Variants in MTHFD2L observed in about 807,000 individuals in gnomAD.
MTHFD2L encodes the protein bifunctional methylenetetrahydrofolate dehydrogenase/cyclohydrolase 2, mitochondrial.
A neutral mutation model predicts 34.9 loss-of-function variants in MTHFD2L; 29 were observed. The observed-to-expected ratio is 0.83, with a 90% CI of 0.62 to 1.13. MTHFD2L has a LOEUF of 1.13. Ranked by LOEUF, MTHFD2L falls within the 50% of genes most tolerant of loss-of-function variation. The pLI is 0.00. For synonymous variants in MTHFD2L, 167 were observed against 155.7 expected (o/e 1.07, Z -0.54); for missense variants, 481 against 446.5 (o/e 1.08, Z -0.70).
At chr4:74,228,306 C>A (rs1419030541) in intron 6 of MTHFD2L, among the ~76,000 whole-genome samples, 2 of 152,158 alleles carry the variant, frequency 1.3e-5, no homozygotes, top group Non-Finnish European at 2.9e-5. Context: ...TGTTCACACA[C>A]AAGACACAGA....
At position 74,238,172 on chromosome 4, in the gene MTHFD2L, C is replaced by T. The variant is rs929644191; in HGVS notation, c.805+12778C>T. 2.6e-5 allele frequency among the ~76,000 whole-genome samples: 4 copies of T among 152,078 alleles called. No homozygotes were observed. The East Asian group carries it at 5.8e-4, about 22-fold the overall frequency. On this transcript the variant is annotated intron_variant, in intron 6 of 7. Coordinates refer to ENST00000325278, the MANE Select transcript of MTHFD2L (RefSeq NM_001144978.3). ...GTCAGTGCTTATGTAATAATCCATA[C>T]AGAGGTGGTGTTTGAAATGTACTAT...
chr4:74,179,639 A>C (rs1729737623), intron 3 of MTHFD2L, among the ~76,000 whole-genome samples: 1 of 150,512 alleles, frequency 6.6e-6, no homozygotes, highest in African/African-American at 2.5e-5. Context: ...AGAATTGAAA[A>C]TCGATCTTTT....
chr4:74,117,243 C>A (rs1721669867), intron 2 of MTHFD2L, among the ~76,000 whole-genome samples: 1 of 152,204 alleles, frequency 6.6e-6, no homozygotes, highest in Admixed American at 6.5e-5. Flanking sequence ...AGGAACCTGG[C>A]CTCGGACACA....
chr4:74,157,865 G>A (rs754398980), upstream of MTHFD2L: 35 of 628,910 alleles, frequency 5.6e-5, no homozygotes, highest in South Asian at 5.0e-4. Flanking sequence ...TGGGTGCGGG[G>A]CCCAGTCGCC....
intron 6 of MTHFD2L, among the ~76,000 whole-genome samples, chr4:74,253,580 C>T (rs951571296): frequency 5.8e-4 from 88 of 152,142 alleles, no homozygotes; most frequent in African/African-American, 2.0e-3. Flanking sequence ...CTGCAAATCG[C>T]AGCACCAACC....
At chr4:74,203,507 A>G (rs1049822015) in intron 5 of MTHFD2L, among the ~76,000 whole-genome samples, 1 of 152,208 alleles carries the variant, frequency 6.6e-6, no homozygotes, top group Non-Finnish European at 1.5e-5. Context: ...TGCGGGCTGT[A>G]CTAGAAGCAT....
chr4:74,131,335 T>C (rs981867569), intron 1 of MTHFD2L, among the ~76,000 whole-genome samples: 4 of 152,168 alleles, frequency 2.6e-5, no homozygotes, highest in Non-Finnish European at 5.9e-5. Flanking sequence ...CTTCAAACTA[T>C]ATTACAAGTC....
chr4:74,272,108 T>G (rs1261679153), intron 6 of MTHFD2L, among the ~76,000 whole-genome samples: 2 of 152,182 alleles, frequency 1.3e-5, no homozygotes, highest in Admixed American at 1.3e-4. Context: ...TTGGTAAGTC[T>G]ACGTCGCTAT....
At chr4:74,229,944 G>A (rs889817745) in intron 6 of MTHFD2L, among the ~76,000 whole-genome samples, 7 of 152,136 alleles carry the variant, frequency 4.6e-5, no homozygotes, top group South Asian at 2.1e-4. Flanking sequence ...AGGTAAAGGC[G>A]TGGTATTTTT....
intron 1 of MTHFD2L, among the ~76,000 whole-genome samples, chr4:74,151,784 C>G (rs770039586): frequency 2.8e-4 from 43 of 152,118 alleles, no homozygotes; most frequent in Non-Finnish European, 5.3e-4. Context: ...GCATCTTGGT[C>G]TTTCTATTAA....
intron 3 of MTHFD2L, among the ~76,000 whole-genome samples, chr4:74,191,707 C>T (rs1486834611): frequency 6.6e-6 from 1 of 151,890 alleles, no homozygotes; most frequent in Admixed American, 6.6e-5. Flanking sequence ...CCTGCCACCA[C>T]GCCCAGGTAA....
chr4:74,230,083 C>T lies in MTHFD2L; in HGVS notation c.805+4689C>T, dbSNP rs187288426. ...TTTTTCAAATTGATACATATTTAGC[C>T]GATATAATCTAATTTTTTAAGATGG... On this transcript the variant is annotated intron_variant, in intron 6 of 7. Transcript: ENST00000325278. 9.4e-4 allele frequency among the ~76,000 whole-genome samples: 143 copies of T among 151,908 alleles called. 1 individual carries two copies. Among genetic ancestry groups the T allele is most frequent in the Non-Finnish European group, 6.5e-4 (44 of 67,974 alleles).
At chr4:74,259,261 C>T (rs1446506389) in intron 6 of MTHFD2L, among the ~76,000 whole-genome samples, 1 of 152,172 alleles carries the variant, frequency 6.6e-6, no homozygotes, top group Non-Finnish European at 1.5e-5. Flanking sequence ...CTAAATGTAG[C>T]ACTCCATTTT....
chr4:74,283,345 G>T (rs1578715476), intron 7 of MTHFD2L, among the ~76,000 whole-genome samples: 1 of 152,054 alleles, frequency 6.6e-6, no homozygotes, highest in African/African-American at 2.4e-5. Flanking sequence ...CATTTTTGGT[G>T]GGTGTATATG....
chr4:74,116,427 TAAAGTC>T (rs1340831028), intron 2 of MTHFD2L, among the ~76,000 whole-genome samples: 2 of 151,924 alleles, frequency 1.3e-5, no homozygotes, highest in African/African-American at 4.8e-5. Context: ...TGTAAAGAAA[TAAAGTC>T]AGAGTGAGAG....
At chr4:74,210,309 T>C (rs1198249103) in intron 5 of MTHFD2L, among the ~76,000 whole-genome samples, 1 of 152,248 alleles carries the variant, frequency 6.6e-6, no homozygotes, top group Admixed American at 6.5e-5. Context: ...CTTCTATGGC[T>C]TTTATGGTTT....
At chr4:74,210,527 C>T (rs1034132930) in intron 5 of MTHFD2L, among the ~76,000 whole-genome samples, 4 of 152,030 alleles carry the variant, frequency 2.6e-5, no homozygotes, top group Non-Finnish European at 4.4e-5. Flanking sequence ...TTTCTGAGGC[C>T]TCTGTTCTAT....
intron 1 of MTHFD2L, among the ~76,000 whole-genome samples, chr4:74,134,495 G>GTA (rs1722769156): frequency 1.3e-5 from 2 of 151,982 alleles, no homozygotes; most frequent in African/African-American, 4.8e-5. Context: ...ATAAGCAACT[G>GTA]TATTCAATAA....
At chr4:74,290,722 G>A (rs1382464050) in intron 7 of MTHFD2L, among the ~76,000 whole-genome samples, 1 of 151,868 alleles carries the variant, frequency 6.6e-6, no homozygotes, top group African/African-American at 2.4e-5. Context: ...TAACCCAGAA[G>A]TATACAACTT....
Sources: allele counts gnomAD v4.1 joint callset (sites outside exome capture counted in the v4.1 genomes callset), GRCh38; gene constraint gnomAD v4.1.1; transcripts MANE v1.5; gene names NCBI Gene and HGNC (gene_info 2026-07-23, HGNC 2026-07-21).